The following CHSY3 variants were observed in gnomAD, a reference collection of about 807,000 sequenced individuals.
The protein encoded by CHSY3 is chondroitin sulfate synthase 3.
Under a neutral mutation model 67.2 loss-of-function variants are expected in CHSY3, and 35 were observed. The ratio of observed to expected loss-of-function variants is 0.52; its 90% confidence interval spans 0.40 to 0.69. CHSY3 has a LOEUF of 0.69. Ranked by LOEUF, CHSY3 falls within the 30% of genes least tolerant of loss-of-function variation. The pLI, the probability that CHSY3 is intolerant of heterozygous loss-of-function variation, is 0.00. For synonymous variants in CHSY3, 474 were observed against 434.7 expected, an observed-to-expected ratio of 1.09 and a Z score of -1.12; for missense variants, 1,069 against 1,138.5, an observed-to-expected ratio of 0.94 and a Z score of 0.88.
chr5:129,908,050 T>A (rs1308345608), intron 1 of CHSY3, 27 bp from the exon 2 acceptor site: 1 of 1,602,206 alleles, frequency 6.2e-7, no homozygotes, highest in African/African-American at 1.3e-5. Flanking sequence ...TAAGGAGACA[T>A]AGTAATTGTT....
At chr5:130,131,313 C>G (rs1768477458) in intron 2 of CHSY3, among the ~76,000 whole-genome samples, 1 of 152,046 alleles carries the variant, frequency 6.6e-6, no homozygotes, top group Admixed American at 6.6e-5. Context: ...ACCACTGTTG[C>G]CTCTTACTTG....
At chr5:129,975,487 A>G (rs1762780840) in intron 2 of CHSY3, among the ~76,000 whole-genome samples, 1 of 152,180 alleles carries the variant, frequency 6.6e-6, no homozygotes, top group Non-Finnish European at 1.5e-5. Flanking sequence ...TTTTAATACA[A>G]TAATGAATTA....
At chr5:130,127,654 C>T (rs997851218) in intron 2 of CHSY3, among the ~76,000 whole-genome samples, 4 of 152,136 alleles carry the variant, frequency 2.6e-5, no homozygotes, top group Admixed American at 6.5e-5. Flanking sequence ...GAAAACTAAA[C>T]AGTCACAAAG....
intron 2 of CHSY3, among the ~76,000 whole-genome samples, chr5:129,994,255 A>G (rs1463717227): frequency 1.3e-5 from 2 of 151,908 alleles, no homozygotes; most frequent in Non-Finnish European, 2.9e-5. Context: ...TTGAATGTTG[A>G]CCTGCCTTGC....
chr5:129,951,461 C>T (rs1451927602), intron 2 of CHSY3, among the ~76,000 whole-genome samples: 1 of 152,204 alleles, frequency 6.6e-6, no homozygotes, highest in Non-Finnish European at 1.5e-5. Flanking sequence ...CAAAATATGA[C>T]ATTTTCTATT....
At chr5:130,060,116 A>G in intron 2 of CHSY3, among the ~76,000 whole-genome samples, 1 of 152,140 alleles carries the variant, frequency 6.6e-6, no homozygotes, top group East Asian at 1.9e-4. Flanking sequence ...ACACAACAAA[A>G]AGAGAAAACT....
chr5:130,090,133 C>G (rs1197067978), intron 2 of CHSY3, among the ~76,000 whole-genome samples: 1 of 152,110 alleles, frequency 6.6e-6, no homozygotes, highest in African/African-American at 2.4e-5. Context: ...TCTGTCTTCC[C>G]CTGCTCAGGC....
intron 2 of CHSY3, among the ~76,000 whole-genome samples, chr5:129,999,251 AC>A (rs1763648004): frequency 1.3e-5 from 2 of 151,872 alleles, no homozygotes; most frequent in South Asian, 4.1e-4. Context: ...ATACATATAC[AC>A]CCAACCTTTT....
intron 2 of CHSY3, among the ~76,000 whole-genome samples, chr5:130,020,431 A>C: frequency 5.3e-4 from 1 of 1,882 alleles, no homozygotes; most frequent in Non-Finnish European, 2.3e-3. Flanking sequence ...AAATATATAT[A>C]TATATATATA....
intron 2 of CHSY3, among the ~76,000 whole-genome samples, chr5:130,044,278 G>C (rs1467803776): frequency 1.3e-5 from 2 of 152,114 alleles, no homozygotes. Flanking sequence ...GAGACCAAGA[G>C]AGCGGAGTGT....
At chr5:130,145,153 T>A (rs997239533) in intron 2 of CHSY3, among the ~76,000 whole-genome samples, 4 of 152,042 alleles carry the variant, frequency 2.6e-5, no homozygotes, top group African/African-American at 9.7e-5. Flanking sequence ...AGCCTCCACC[T>A]CCAACACTGG....
intron 2 of CHSY3, among the ~76,000 whole-genome samples, chr5:129,990,379 T>TGA (rs748942898): frequency 3.4e-5 from 5 of 147,772 alleles, no homozygotes; most frequent in Non-Finnish European, 7.5e-5. Context: ...AGTGAGTGAG[T>TGA]GTGTGTGTGT....
chr5:129,907,269 T>A (rs915080603), intron 1 of CHSY3, among the ~76,000 whole-genome samples: 1 of 152,192 alleles, frequency 6.6e-6, no homozygotes, highest in Non-Finnish European at 1.5e-5. Context: ...TGTTTTGAAT[T>A]AAGAATCCAA....
intron 2 of CHSY3, among the ~76,000 whole-genome samples, chr5:129,915,273 G>A (rs1002623356): frequency 4.6e-5 from 7 of 152,054 alleles, no homozygotes; most frequent in African/African-American, 1.7e-4. Flanking sequence ...CCACAAAAAA[G>A]CCTAAGTAAA....
Position 130,129,281 on chromosome 5 carries a change from G to A in CHSY3, c.1087-54948G>A, listed in dbSNP as rs151333840. 1.6e-3 allele frequency among the ~76,000 whole-genome samples: 238 copies of A among 152,240 alleles called. 2 individuals are homozygous for A. The highest frequency in any genetic ancestry group is 5.5e-3 in the African/African-American group (227 of 41,566). Reference sequence around the variant, plus strand: ...TTTGGCCACTCCAAAATGTGGAATTGCTCTAAAAGGATTGGTTTCACAAAG... The same window carrying A: ...TTTGGCCACTCCAAAATGTGGAATTACTCTAAAAGGATTGGTTTCACAAAG... On this transcript the variant is annotated intron_variant, in intron 2 of 2. Transcript: ENST00000305031.
At chr5:130,131,313 C>T (rs1768477458) in intron 2 of CHSY3, among the ~76,000 whole-genome samples, 1 of 152,046 alleles carries the variant, frequency 6.6e-6, no homozygotes. Context: ...ACCACTGTTG[C>T]CTCTTACTTG....
At chr5:129,959,807 AGGTACTGTTTTCTTTTT>A in intron 2 of CHSY3, among the ~76,000 whole-genome samples, 1 of 152,056 alleles carries the variant, frequency 6.6e-6, no homozygotes, top group African/African-American at 2.4e-5. Context: ...TTACAGTTTA[AGGTACTGTTTTCTTTTT>A]CCTTTTATTG....
chr5:130,174,952 G>A (rs931453798), intron 2 of CHSY3, among the ~76,000 whole-genome samples: 1 of 152,116 alleles, frequency 6.6e-6, no homozygotes, highest in African/African-American at 2.4e-5. Context: ...GACATACATG[G>A]AAAAGAGACA....
At chr5:129,998,618 G>C (rs1167739970) in intron 2 of CHSY3, among the ~76,000 whole-genome samples, 1 of 151,972 alleles carries the variant, frequency 6.6e-6, no homozygotes, top group Non-Finnish European at 1.5e-5. Context: ...GAAGAATATT[G>C]TTTATGAAAA....
Sources: gnomAD v4.1 joint callset for allele counts (sites outside exome capture counted in the v4.1 genomes callset) on GRCh38, gnomAD v4.1.1 for gene constraint, MANE v1.5 for transcripts, NCBI Gene and HGNC (gene_info 2026-07-23, HGNC 2026-07-21) for gene names.